Variants in PEBP4 observed in about 807,000 individuals in gnomAD.
The protein encoded by PEBP4 is phosphatidylethanolamine binding protein 4.
PEBP4 carries 22 observed loss-of-function variants against 23.9 expected under a neutral mutation model. The observed-to-expected ratio is 0.92, with a 90% CI of 0.66 to 1.31. The LOEUF is 1.31. Ranked by LOEUF, PEBP4 falls within the 40% of genes most tolerant of loss-of-function variation. The pLI is 0.00. For missense variants in PEBP4, 324 were observed against 281.7 expected (o/e 1.15, Z -1.07); for synonymous variants, 112 against 99.3 (o/e 1.13, Z -0.76).
chr8:22,894,290 C>T (rs189973123), intron 3 of PEBP4, among the ~76,000 whole-genome samples: 171 of 152,244 alleles, frequency 1.1e-3, no homozygotes, highest in African/African-American at 3.8e-3. Context: ...ATTCTTGGCA[C>T]AGCCATGCAT....
chr8:22,936,333 A>G (rs1317863409), intron 1 of PEBP4, among the ~76,000 whole-genome samples: 1 of 152,108 alleles, frequency 6.6e-6, no homozygotes, highest in Non-Finnish European at 1.5e-5. Flanking sequence ...GTTGTTGGTT[A>G]TGTAATAAAT....
At chr8:22,811,606 T>G (rs969890145) in intron 4 of PEBP4, among the ~76,000 whole-genome samples, 1 of 152,160 alleles carries the variant, frequency 6.6e-6, no homozygotes, top group Non-Finnish European at 1.5e-5. Context: ...TAGGCCTGGC[T>G]GTCACTTGCA....
In PEBP4 at chr8:22,822,354, A is replaced by AGTGTGT. The variant is rs34500729; in HGVS notation, c.259-4625_259-4620dup. Among the ~76,000 whole-genome samples, 280 of 147,852 alleles carry AGTGTGT rather than the reference A, an allele frequency of 1.9e-3. 2 individuals are homozygous for AGTGTGT. Among genetic ancestry groups the AGTGTGT allele is most frequent in the Middle Eastern group, 0.014 (4 of 290 alleles). ...GGTGAAAAGAAGGAATATATACTAA[A>AGTGTGT]GTGTGTGTGTGTGTGTGTGTGTGTA... On this transcript the variant is annotated intron_variant, in intron 3 of 6. Coordinates refer to ENST00000256404, the MANE Select transcript of PEBP4 (RefSeq NM_144962.3).
chr8:22,727,356 A>G, intron 4 of PEBP4, 136 bp from the exon 5 acceptor site: 1 of 845,256 alleles, frequency 1.2e-6, no homozygotes. Flanking sequence ...GTAGGATGGG[A>G]GAGGAGGAAA....
intron 3 of PEBP4, among the ~76,000 whole-genome samples, chr8:22,901,088 T>C (rs541841858): frequency 2.6e-5 from 4 of 152,204 alleles, no homozygotes; most frequent in South Asian, 2.1e-4. Context: ...TTGGTCCCCA[T>C]AGATATCACT....
chr8:22,789,026 A>G (rs761107661), intron 4 of PEBP4, among the ~76,000 whole-genome samples: 2 of 152,244 alleles, frequency 1.3e-5, no homozygotes, highest in Non-Finnish European at 2.9e-5. Flanking sequence ...ATTGCTAAGT[A>G]AGAAAGCAGG....
chr8:22,784,846 G>A (rs1268316148), intron 4 of PEBP4, among the ~76,000 whole-genome samples: 9 of 152,130 alleles, frequency 5.9e-5, no homozygotes, highest in Admixed American at 4.6e-4. Context: ...CCCTTCCTTC[G>A]AGGTTACATA....
chr8:22,810,671 T>TGA (rs1806601072), intron 4 of PEBP4, among the ~76,000 whole-genome samples: 1 of 27,100 alleles, frequency 3.7e-5, no homozygotes. Flanking sequence ...CATGGAGGGG[T>TGA]GTGTGTGTGT....
intron 6 of PEBP4, among the ~76,000 whole-genome samples, chr8:22,724,195 A>G (rs1804577286): frequency 6.6e-6 from 1 of 152,176 alleles, no homozygotes; most frequent in African/African-American, 2.4e-5. Context: ...CAGGTGAGAC[A>G]CTTGTGGCAT....
chr8:22,810,718 G>A (rs1464244668), intron 4 of PEBP4, among the ~76,000 whole-genome samples: 3 of 148,670 alleles, frequency 2.0e-5, no homozygotes. Flanking sequence ...GTGTGTGAGA[G>A]AGAGAGAGAG....
intron 4 of PEBP4, among the ~76,000 whole-genome samples, chr8:22,743,034 G>T (rs1563201306): frequency 6.6e-6 from 1 of 152,190 alleles, no homozygotes; most frequent in South Asian, 2.1e-4. Context: ...CTTGGTTGGG[G>T]CAGGCGGTGA....
chr8:22,865,937 C>G lies in PEBP4; in HGVS notation c.259-48202G>C, dbSNP rs527516465. 5.9e-5 allele frequency among the ~76,000 whole-genome samples: 9 copies of G among 152,076 alleles called. No homozygotes were observed. Among genetic ancestry groups the G allele is most frequent in the African/African-American group, 2.2e-4 (9 of 41,416 alleles). On this transcript the variant is annotated intron_variant, in intron 3 of 6. Transcript: ENST00000256404. This position sits in a 1 kb window ranked among gnomAD's most constrained non-coding sequence, Gnocchi z 6.9. ...AGGACACGCGCCTCGAGGTGTGGCC[C>G]GGCGCCGGGCGGTGCTGCCCGGAGA...
At chr8:22,830,146 T>TGTGTGTGTGTGTGTGTGTGTG (rs56204367) in intron 3 of PEBP4, among the ~76,000 whole-genome samples, 1 of 150,734 alleles carries the variant, frequency 6.6e-6, no homozygotes, top group African/African-American at 2.5e-5. Flanking sequence ...TGTGTGTGTG[T>TGTGTGTGTGTGTGTGTGTGTG]TTTTACGGAG....
intron 3 of PEBP4, among the ~76,000 whole-genome samples, chr8:22,919,534 C>G (rs887824498): frequency 2.6e-5 from 4 of 152,232 alleles, no homozygotes; most frequent in African/African-American, 9.6e-5. Context: ...TTTCCCACTT[C>G]TATGACTCTT....
At chr8:22,765,116 T>TTTTC (rs560144016) in intron 4 of PEBP4, among the ~76,000 whole-genome samples, 1 of 144,898 alleles carries the variant, frequency 6.9e-6, no homozygotes, top group Non-Finnish European at 1.5e-5. Flanking sequence ...TTCCTTTATT[T>TTTTC]CTTCCTTCCT....
Position 22,724,928 on chromosome 8 carries a change from G to A in PEBP4, c.432C>T (p.His144=). Residue 144 remains histidine (H), a synonymous_variant, in exon 6 of 7, where the codon CAC becomes CAT. Coordinates refer to ENST00000256404, the MANE Select transcript of PEBP4 (RefSeq NM_144962.3). The stretch of plus-strand genomic sequence containing the variant: ...AGAACTGGTAGCGATGGAAGCCACT[G>A]TGTGCCGGTGGGGAGGGAGCCTGGT... ...SAYQAPSPPA[H]SGFHRYQFFV... 3 of 1,614,146 alleles carry A rather than the reference G, an allele frequency of 1.9e-6. No individual in the cohort carries two copies. The highest frequency in any genetic ancestry group is 2.2e-5 in the South Asian group (2 of 91,074).
intron 3 of PEBP4, among the ~76,000 whole-genome samples, chr8:22,824,899 C>T (rs1004138006): frequency 6.6e-6 from 1 of 152,184 alleles, no homozygotes; most frequent in Non-Finnish European, 1.5e-5. Context: ...TGCTGTGTGG[C>T]CCAGTTCCTA....
intron 3 of PEBP4, among the ~76,000 whole-genome samples, chr8:22,827,508 T>C (rs79113465): frequency 0.032 from 4,822 of 152,304 alleles, 88 homozygotes; most frequent in South Asian, 0.048. Context: ...TTTTTTTTTG[T>C]GTTGGCATCT....
intron 4 of PEBP4, among the ~76,000 whole-genome samples, chr8:22,728,625 T>G (rs1804673412): frequency 1.4e-5 from 2 of 146,118 alleles, no homozygotes; most frequent in South Asian, 4.3e-4. Flanking sequence ...TTTTTTGGAG[T>G]CTCGCTCTGT....
Sources: gnomAD v4.1 joint callset for allele counts (sites outside exome capture counted in the v4.1 genomes callset) on GRCh38, gnomAD v4.1.1 for gene constraint, Gnocchi (gnomAD v3.1) non-coding constraint, MANE v1.5 for transcripts, NCBI Gene and HGNC (gene_info 2026-07-23, HGNC 2026-07-21) for gene names.